Variants in EML4 observed in about 807,000 individuals in gnomAD.
EML4 encodes the protein EMAP like 4.
In EML4, 72 loss-of-function variants were observed where a neutral mutation model predicts 129.0. The observed-to-expected ratio is 0.56, with a 90% CI of 0.46 to 0.68. The LOEUF is 0.68. Among genes scored for constraint, EML4 ranks in the 30% least tolerant of loss-of-function variants. EML4 has a pLI of 0.00. For missense variants in EML4, 1,363 were observed against 1,190.6 expected, an observed-to-expected ratio of 1.14 and a Z score of -2.13; for synonymous variants, 532 against 405.0, an observed-to-expected ratio of 1.31 and a Z score of -3.77.
chr2:42,278,671 C>T (rs892846985), intron 6 of EML4, among the ~76,000 whole-genome samples: 3 of 151,068 alleles, frequency 2.0e-5, no homozygotes, highest in Non-Finnish European at 2.9e-5. Flanking sequence ...TGGTGGTTCA[C>T]GCCTGTAATC....
At chr2:42,211,384 T>A (rs1296520076) in intron 1 of EML4, among the ~76,000 whole-genome samples, 1 of 152,130 alleles carries the variant, frequency 6.6e-6, no homozygotes, top group African/African-American at 2.4e-5. Context: ...GAAGGTAGGT[T>A]ATTGGGTAGG....
At chr2:42,328,405 A>G (rs1264763834) in intron 21 of EML4, among the ~76,000 whole-genome samples, 2 of 152,234 alleles carry the variant, frequency 1.3e-5, no homozygotes, top group Non-Finnish European at 1.5e-5. Context: ...TGGATGGCCT[A>G]TGCTTTCTAA....
At chr2:42,195,171 C>T (rs1430512706) in intron 1 of EML4, among the ~76,000 whole-genome samples, 2 of 152,050 alleles carry the variant, frequency 1.3e-5, no homozygotes, top group Non-Finnish European at 2.9e-5. Context: ...TGTATTTCTC[C>T]TAAGTTGTTT....
At chr2:42,261,946 C>CCT (rs1665764981) in intron 4 of EML4, among the ~76,000 whole-genome samples, 1 of 152,096 alleles carries the variant, frequency 6.6e-6, no homozygotes, top group Non-Finnish European at 1.5e-5. Flanking sequence ...AGAATCTAAA[C>CCT]CTGCATGCTG....
At chr2:42,257,710 GT>G (rs1488489542) in intron 3 of EML4, among the ~76,000 whole-genome samples, 2 of 152,028 alleles carry the variant, frequency 1.3e-5, no homozygotes, top group Non-Finnish European at 2.9e-5. Context: ...GGTGGCAGGT[GT>G]CTGTAGTCGC....
At chr2:42,256,327 A>G (rs1485032057) in intron 2 of EML4, among the ~76,000 whole-genome samples, 174 bp from the exon 3 acceptor site, 1 of 152,206 alleles carries the variant, frequency 6.6e-6, no homozygotes, top group Non-Finnish European at 1.5e-5. Flanking sequence ...TTAAGTCTTG[A>G]GACAGTATCA....
Position 42,330,288 on chromosome 2 carries a change from T to C in EML4, c.*81T>C. 1 of 1,258,998 alleles carries C rather than the reference T, an allele frequency of 7.9e-7. No individual in the cohort carries two copies. The highest frequency in any genetic ancestry group is 1.5e-5 in the African/African-American group (1 of 68,068). The allele number at this position is 1,258,998 out of a possible 1,614,324, so 78.0% of individuals were successfully genotyped here. On this transcript the variant is annotated 3_prime_UTR_variant, in exon 23 of 23. Transcript: ENST00000318522. ...GTTCAGGTAACAGGATGGGCAGTGA[T>C]GGAGAATCACTGTTGATTGAGATTT...
chr2:42,230,659 G>A (rs540638321), intron 1 of EML4, among the ~76,000 whole-genome samples: 1 of 152,180 alleles, frequency 6.6e-6, no homozygotes, highest in East Asian at 1.9e-4. Flanking sequence ...CTCCACCTCA[G>A]CCTCCGAAAG....
At chr2:42,231,029 A>T (rs768572888) in intron 1 of EML4, among the ~76,000 whole-genome samples, 97 of 151,586 alleles carry the variant, frequency 6.4e-4, no homozygotes, top group Non-Finnish European at 1.1e-3. Context: ...CACTCTCTTC[A>T]CCCCCGTCTG....
intron 3 of EML4, among the ~76,000 whole-genome samples, chr2:42,258,266 A>G (rs116232501): frequency 0.013 from 1,927 of 152,276 alleles, 23 homozygotes; most frequent in Non-Finnish European, 0.02. Flanking sequence ...AATCGCAAGG[A>G]AGAAGTAACT....
At chr2:42,189,939 G>A (rs1430215078) in intron 1 of EML4, among the ~76,000 whole-genome samples, 1 of 150,460 alleles carries the variant, frequency 6.6e-6, no homozygotes, top group Admixed American at 6.6e-5. Context: ...GACATATTAC[G>A]AAGTCAAAAT....
At position 42,205,560 on chromosome 2, in the gene EML4, G is replaced by C. The variant is rs1417733695; in HGVS notation, c.25+35924G>C. Among the ~76,000 whole-genome samples the C allele has an allele frequency of 3.9e-5, 6 of 152,180 alleles. No individual in the cohort carries two copies. In the East Asian group the frequency reaches 1.2e-3, roughly 29 times the overall value. On this transcript the variant is annotated intron_variant, in intron 1 of 22. Transcript: ENST00000318522. ...CAATAAATGTTTGCTCTTAGAAGCT[G>C]TGTGGTGTGGCCTGAATCAGTAGGC... is the stretch of plus-strand genomic sequence containing the variant.
At chr2:42,314,319 A>G (rs1558604226) in intron 17 of EML4, among the ~76,000 whole-genome samples, 1 of 152,144 alleles carries the variant, frequency 6.6e-6, no homozygotes, top group Non-Finnish European at 1.5e-5. Flanking sequence ...AGATCGTGCC[A>G]CTGCACTCCA....
chr2:42,196,704 C>G (rs954325681), intron 1 of EML4, among the ~76,000 whole-genome samples: 1 of 152,194 alleles, frequency 6.6e-6, no homozygotes, highest in African/African-American at 2.4e-5. Flanking sequence ...TAATTTCCTT[C>G]TTGTTAAAAA....
At chr2:42,189,552 G>T (rs1439961807) in intron 1 of EML4, among the ~76,000 whole-genome samples, 1 of 152,212 alleles carries the variant, frequency 6.6e-6, no homozygotes, top group Non-Finnish European at 1.5e-5. Flanking sequence ...TGCACTCCAG[G>T]TTCTGTGACA....
intron 1 of EML4, among the ~76,000 whole-genome samples, chr2:42,238,864 G>A (rs1674848396): frequency 6.6e-6 from 1 of 152,162 alleles, no homozygotes; most frequent in African/African-American, 2.4e-5. Context: ...CCTTACTGCA[G>A]CCGTGACCTC....
At chr2:42,182,693 C>T (rs915882238) in intron 1 of EML4, among the ~76,000 whole-genome samples, 1 of 152,144 alleles carries the variant, frequency 6.6e-6, no homozygotes, top group African/African-American at 2.4e-5. Context: ...ATCTTGTTTA[C>T]ATGTCTATTG....
intron 2 of EML4, among the ~76,000 whole-genome samples, chr2:42,248,378 C>T (rs1675547348): frequency 6.6e-6 from 1 of 152,006 alleles, no homozygotes; most frequent in African/African-American, 2.4e-5. Flanking sequence ...TTAAAAATTG[C>T]TTTTTTCCCA....
In EML4 at chr2:42,215,002, A is replaced by G. The variant is rs374887930; in HGVS notation, c.26-30503A>G. ...GCATGACTACTGGTAGGCGTGTTTC[A>G]TTGGGGGTTCATCTGTGGAGGCTAG... On this transcript the variant is annotated intron_variant, in intron 1 of 22. Transcript: ENST00000318522. 1.7e-4 allele frequency among the ~76,000 whole-genome samples: 26 copies of G among 152,288 alleles called. No homozygotes were observed. The East Asian group carries it at 4.6e-3, about 27-fold the overall frequency.
Sources: allele counts gnomAD v4.1 joint callset (sites outside exome capture counted in the v4.1 genomes callset), GRCh38; gene constraint gnomAD v4.1.1; transcripts MANE v1.5; gene names NCBI Gene and HGNC (gene_info 2026-07-23, HGNC 2026-07-21).